FHIT: variants seen among roughly 807,000 people sequenced by gnomAD.
The protein encoded by FHIT is fragile histidine triad diadenosine triphosphatase.
FHIT carries 19 observed loss-of-function variants against 17.9 expected under a neutral mutation model. The observed-to-expected ratio is 1.06, with a 90% confidence interval of 0.74 to 1.56. The LOEUF (loss-of-function observed/expected upper bound fraction) is 1.56. Ranked by LOEUF, FHIT falls within the 40% of genes most tolerant of loss-of-function variation. The pLI, the probability that FHIT is intolerant of heterozygous loss-of-function variation, is 0.00. For synonymous variants in FHIT, 81 were observed against 69.7 expected (o/e 1.16, Z -0.81); for missense variants, 248 against 189.2 (o/e 1.31, Z -1.82).
intron 4 of FHIT, among the ~76,000 whole-genome samples, chr3:60,754,874 T>C (rs2042542376): frequency 6.6e-6 from 1 of 152,230 alleles, no homozygotes; most frequent in Non-Finnish European, 1.5e-5. Context: ...TCCTAGCTCT[T>C]GCTAACTATA....
At chr3:59,944,267 G>C (rs755087088) in intron 7 of FHIT, among the ~76,000 whole-genome samples, 23 of 152,138 alleles carry the variant, frequency 1.5e-4, no homozygotes, top group Non-Finnish European at 2.6e-4. Context: ...CGTGTGTATA[G>C]TTAGTTCAAT....
chr3:60,951,618 T>C (rs1708888700), intron 3 of FHIT, among the ~76,000 whole-genome samples: 1 of 152,182 alleles, frequency 6.6e-6, no homozygotes, highest in African/African-American at 2.4e-5. Flanking sequence ...TTAACCCACT[T>C]ACCATTTAGA....
At chr3:60,931,636 C>T (rs116490174) in intron 3 of FHIT, among the ~76,000 whole-genome samples, 2,468 of 152,242 alleles carry the variant, frequency 0.016, 70 homozygotes, top group African/African-American at 0.057. Context: ...AACTACACTC[C>T]CCAGGGAGCA....
At chr3:60,328,244 C>G (rs904089936) in intron 5 of FHIT, among the ~76,000 whole-genome samples, 7 of 152,270 alleles carry the variant, frequency 4.6e-5, no homozygotes, top group African/African-American at 1.7e-4. Flanking sequence ...ATGAGAGTGG[C>G]AGACTGAGCA....
At chr3:60,326,448 C>T (rs1446039941) in intron 5 of FHIT, among the ~76,000 whole-genome samples, 6 of 146,508 alleles carry the variant, frequency 4.1e-5, no homozygotes, top group Non-Finnish European at 7.5e-5. Context: ...TCTAATCCTG[C>T]CGCTAATCTC....
rs138089145 is a variant in FHIT, at chr3:61,233,991, G to T, written c.-213+17310C>A. 2.6e-3 allele frequency among the ~76,000 whole-genome samples: 392 copies of T among 152,342 alleles called. 1 individual carries two copies. The highest frequency in any genetic ancestry group is 4.6e-3 in the Non-Finnish European group (314 of 68,030). On this transcript the variant is annotated intron_variant, in intron 1 of 9. Coordinates refer to ENST00000492590, the MANE Select transcript of FHIT (RefSeq NM_002012.4). Reference sequence around the variant, plus strand: ...TTAAGCAGGTTACTTGCAGCTGAAAGCATTTGAAGCTGACATAGTAACCTA... The same window carrying T: ...TTAAGCAGGTTACTTGCAGCTGAAATCATTTGAAGCTGACATAGTAACCTA...
At chr3:60,777,602 T>C (rs1198678450) in intron 4 of FHIT, among the ~76,000 whole-genome samples, 3 of 152,204 alleles carry the variant, frequency 2.0e-5, no homozygotes, top group Non-Finnish European at 2.9e-5. Flanking sequence ...GAGAAAGGAA[T>C]GAAAACAAAG....
At chr3:60,592,754 A>G (rs2107698868) in intron 4 of FHIT, among the ~76,000 whole-genome samples, 1 of 152,292 alleles carries the variant, frequency 6.6e-6, no homozygotes, top group South Asian at 2.1e-4. Flanking sequence ...GCAGTTGTGC[A>G]GGCTCCCAGA....
At chr3:60,534,796 C>T (rs2035922636) in intron 5 of FHIT, among the ~76,000 whole-genome samples, 1 of 152,110 alleles carries the variant, frequency 6.6e-6, no homozygotes, top group Admixed American at 6.6e-5. Context: ...AATGGTGACA[C>T]CAGTGCCATC....
intron 8 of FHIT, among the ~76,000 whole-genome samples, chr3:59,804,188 G>A (rs538636218): frequency 6.6e-6 from 1 of 152,288 alleles, no homozygotes; most frequent in African/African-American, 2.4e-5. Flanking sequence ...AGGAGAGTAG[G>A]AAATTATGAA....
chr3:60,292,955 A>G (rs1216803508), intron 5 of FHIT, among the ~76,000 whole-genome samples: 1 of 152,216 alleles, frequency 6.6e-6, no homozygotes, highest in Non-Finnish European at 1.5e-5. Flanking sequence ...ATATATTACA[A>G]ACTATTGAAT....
At chr3:59,828,882 C>T (rs1047614540) in intron 8 of FHIT, among the ~76,000 whole-genome samples, 1 of 111,730 alleles carries the variant, frequency 9.0e-6, no homozygotes, top group African/African-American at 3.6e-5. Flanking sequence ...TGTATCCTAC[C>T]AAATTCCTTA....
intron 3 of FHIT, among the ~76,000 whole-genome samples, chr3:60,828,131 C>A (rs1553741520): frequency 2.0e-5 from 3 of 152,142 alleles, no homozygotes; most frequent in African/African-American, 7.2e-5. Context: ...ATAACTTTGG[C>A]TTCCTCATTA....
chr3:59,894,689 T>A (rs1341342031), intron 8 of FHIT, among the ~76,000 whole-genome samples: 1 of 152,180 alleles, frequency 6.6e-6, no homozygotes, highest in Non-Finnish European at 1.5e-5. Context: ...GATCAAAAAG[T>A]CTTTCAATGA....
chr3:60,987,530 G>C (rs1224057843), intron 3 of FHIT, among the ~76,000 whole-genome samples: 1 of 152,146 alleles, frequency 6.6e-6, no homozygotes, highest in Non-Finnish European at 1.5e-5. Flanking sequence ...TAGAAACAAT[G>C]CTAATGACTG....
intron 4 of FHIT, among the ~76,000 whole-genome samples, chr3:60,738,408 G>A (rs543271153): frequency 6.6e-6 from 1 of 152,294 alleles, no homozygotes; most frequent in African/African-American, 2.4e-5. Context: ...AGCTCAGAGA[G>A]TCCAAGCCGA....
intron 4 of FHIT, among the ~76,000 whole-genome samples, chr3:60,708,505 T>A (rs536310498): frequency 6.6e-6 from 1 of 152,208 alleles, no homozygotes; most frequent in Non-Finnish European, 1.5e-5. Flanking sequence ...CTTTGAGACC[T>A]GAAAAACAAT....
intron 5 of FHIT, among the ~76,000 whole-genome samples, chr3:60,502,795 C>T (rs879052345): frequency 1.5e-4 from 23 of 151,870 alleles, no homozygotes; most frequent in South Asian, 6.2e-4. Context: ...GTGAATTGCA[C>T]GGTGTGTGAA....
chr3:60,531,212 A>G (rs2035765601), intron 5 of FHIT, among the ~76,000 whole-genome samples: 2 of 152,174 alleles, frequency 1.3e-5, no homozygotes, highest in South Asian at 2.1e-4. Context: ...ATCTTTAGCT[A>G]TAAAGATATT....
Sources: gnomAD v4.1 joint callset for allele counts (sites outside exome capture counted in the v4.1 genomes callset) on GRCh38, gnomAD v4.1.1 for gene constraint, MANE v1.5 for transcripts, NCBI Gene and HGNC (gene_info 2026-07-23, HGNC 2026-07-21) for gene names.